DACT1: variants seen among roughly 807,000 people sequenced by gnomAD.
The protein encoded by DACT1 is dishevelled binding antagonist of beta catenin 1.
DACT1 carries 19 observed loss-of-function variants against 35.3 expected under a neutral mutation model. The ratio of observed to expected loss-of-function variants is 0.54; its 90% CI spans 0.38 to 0.79. The LOEUF is 0.79. Among genes scored for constraint, DACT1 ranks in the 30% least tolerant of loss-of-function variants. The pLI, the probability that DACT1 is intolerant of heterozygous loss-of-function variation, is 0.00. For missense variants in DACT1, 1,143 were observed against 1,057.5 expected (o/e 1.08, Z -1.12); for synonymous variants, 545 against 466.7 (o/e 1.17, Z -2.16).
Position 58,638,308 on chromosome 14 carries a change from G to A in DACT1, c.106G>A (p.Glu36Lys). ...EPEGRWREKGEADTERQRTRE... is the reference protein window; with the variant it reads ...EPEGRWREKGKADTERQRTRE... Reference sequence around the variant, plus strand: ...CGAGGGGCGCTGGCGGGAGAAGGGCGAGGCAGACACCGAGCGGCAGCGCAC... The same window carrying A: ...CGAGGGGCGCTGGCGGGAGAAGGGCAAGGCAGACACCGAGCGGCAGCGCAC... The change falls in exon 1 of 4, where the codon GAG becomes AAG. Residue 36 changes from glutamate to lysine, a missense_variant. By Grantham distance (56) the Glu-to-Lys change is moderately conservative. Transcript: ENST00000395153. 7.5e-7 allele frequency: 1 copy of A among 1,338,998 alleles called. No individual in the cohort carries two copies. Among genetic ancestry groups the A allele is most frequent in the Non-Finnish European group, 9.5e-7 (1 of 1,049,628 alleles). 82.9% of individuals were successfully genotyped at this position (1,338,998 alleles called of 1,614,324 possible).
chr14:58,643,766 G>T (rs567510367), intron 3 of DACT1, among the ~76,000 whole-genome samples: 1 of 152,204 alleles, frequency 6.6e-6, no homozygotes, highest in African/African-American at 2.4e-5. Flanking sequence ...GATGAATAGT[G>T]AAGTGTTTGT....
chr14:58,638,465 A>G lies in DACT1; in HGVS notation c.263A>G (p.Glu88Gly). 1 of 1,357,248 alleles carries G rather than the reference A, an allele frequency of 7.4e-7. No homozygotes were observed. Among genetic ancestry groups the G allele is most frequent in the Non-Finnish European group, 9.5e-7 (1 of 1,049,990 alleles). 84.1% of individuals were successfully genotyped at this position (1,357,248 alleles called of 1,614,324 possible). Residue 88 changes from glutamate to glycine, a missense_variant, in exon 1 of 4, where the codon GAG (glutamate) becomes GGG (glycine). Glu to Gly is a moderately conservative substitution (Grantham distance 98, BLOSUM62 -2). This residue lies in a region of DACT1 where 1,054 missense variants were observed against 958.8 expected (regional missense o/e 1.10). Coordinates refer to ENST00000395153, the MANE Select transcript of DACT1 (RefSeq NM_001079520.2). ...GGAGCCGCTGCGCCCCGCGCTGGGGAGCTACTGGGGGAGGCGGCGCAGCGC... is the reference window on the plus strand; with the variant it reads ...GGAGCCGCTGCGCCCCGCGCTGGGGGGCTACTGGGGGAGGCGGCGCAGCGC... ...GAGAAAPRAG[E>G]LLGEAAQRSR...
At position 58,647,227 on chromosome 14, in the gene DACT1, C is replaced by A; in HGVS notation, c.*93C>A. The A allele has an allele frequency of 7.1e-7, 1 of 1,408,818 alleles. No homozygotes were observed. The highest frequency in any genetic ancestry group is 1.5e-5 in the African/African-American group (1 of 68,696). 87.3% of individuals were successfully genotyped at this position (1,408,818 alleles called of 1,614,324 possible). A position where few individuals can be genotyped will look rare whatever the true frequency, so the allele number is the denominator to read the frequency against. On this transcript the variant is annotated 3_prime_UTR_variant, in exon 4 of 4. Transcript: ENST00000395153. Reference sequence around the variant, plus strand: ...GTGGTGTTTTCATTTTTGTATAATACTTTAATGGAATGCTTTTTAAAAAAA... The same window carrying A: ...GTGGTGTTTTCATTTTTGTATAATAATTTAATGGAATGCTTTTTAAAAAAA...
At position 58,645,528 on chromosome 14, in the gene DACT1, C is replaced by T. The variant is rs2047665421; in HGVS notation, c.794C>T (p.Ala265Val). The T allele has an allele frequency of 6.2e-7, 1 of 1,614,168 alleles. No homozygotes were observed. Among genetic ancestry groups the T allele is most frequent in the Non-Finnish European group, 8.5e-7 (1 of 1,180,020 alleles). Residue 265 changes from alanine to valine, a missense_variant, in exon 4 of 4, where the codon GCC becomes GTC. Around this residue, in one of 3 missense-constraint regions of DACT1, gnomAD observed 1,054 missense variants for 958.8 expected, o/e 1.10. Coordinates refer to ENST00000395153, the MANE Select transcript of DACT1 (RefSeq NM_001079520.2). ...LREEDRLGNH[A>V]SDICGGSELD... is the part of the protein sequence containing the mutation. The stretch of plus-strand genomic sequence containing the variant: ...GAAGAGGACAGGCTTGGAAACCATG[C>T]CAGTGACATTTGCGGTGGATCTGAG...
chr14:58,646,312 G>A lies in DACT1; in HGVS notation c.1578G>A (p.Gln526=). ...TCAAGGCCCAGTTTATCCCGGGGCA[G>A]CAGCCCAGTGTCAGGCTCCACCGGG... ...HLVKAQFIPG[Q]QPSVRLHRGH... is the part of the protein sequence containing the mutation. Residue 526 remains glutamine, a synonymous_variant, in exon 4 of 4, where the codon CAG becomes CAA. Transcript: ENST00000395153. The A allele has an allele frequency of 6.2e-7, 1 of 1,610,164 alleles. No individual in the cohort carries two copies. The highest frequency in any genetic ancestry group is 8.5e-7 in the Non-Finnish European group (1 of 1,179,020).
In DACT1 at chr14:58,647,514, C is replaced by G. The variant is rs1445175826; in HGVS notation, c.*380C>G. On this transcript the variant is annotated 3_prime_UTR_variant, in exon 4 of 4. Transcript: ENST00000395153. ...TGGAATTTTTGGATTTATATTTGTT[C>G]CTTGAGTCTTCAGGGCAGTGTCTCC... The G allele has an allele frequency of 3.7e-6, 1 of 272,262 alleles. No individual in the cohort carries two copies. Among genetic ancestry groups the G allele is most frequent in the Non-Finnish European group, 7.3e-6 (1 of 136,662 alleles). 16.9% of individuals were successfully genotyped at this position (272,262 alleles called of 1,614,324 possible).
intron 3 of DACT1, among the ~76,000 whole-genome samples, chr14:58,644,063 T>G (rs143601297): frequency 3.3e-5 from 5 of 152,348 alleles, no homozygotes; most frequent in Non-Finnish European, 7.3e-5. Flanking sequence ...ATAAATACAA[T>G]GGAGGACAAA....
In DACT1 at chr14:58,638,502, G is replaced by A. The variant is rs764715977; in HGVS notation, c.300G>A (p.Glu100=). 11 of 1,359,036 alleles carry A rather than the reference G, an allele frequency of 8.1e-6. No homozygotes were observed. The highest frequency in any genetic ancestry group is 3.0e-5 in the Admixed American group (1 of 32,950). 84.2% of individuals were successfully genotyped at this position (1,359,036 alleles called of 1,614,324 possible). A position where few individuals can be genotyped will look rare whatever the true frequency, so the allele number is the denominator to read the frequency against. The change falls in exon 1 of 4, where the codon GAG becomes GAA. Residue 100 remains glutamate, a synonymous_variant. Transcript: ENST00000395153. The stretch of plus-strand genomic sequence containing the variant: ...AGGCGGCGCAGCGCAGTCGCCTGGA[G>A]GAGAAGTTCTTGGAGGAGAACATCT... ...LGEAAQRSRL[E]EKFLEENILL...
rs1229565624 is a variant in DACT1 at position 58,646,781 on chromosome 14, G to A, written c.2047G>A (p.Val683Met). Residue 683 changes from valine to methionine, a missense_variant, in exon 4 of 4, where the codon GTG becomes ATG. By Grantham distance (21) the Val-to-Met change is conservative. Around this residue, in one of 3 missense-constraint regions of DACT1, gnomAD observed 1,054 missense variants for 958.8 expected, o/e 1.10. Transcript: ENST00000395153. The part of the protein sequence containing the change: ...PLPYASPYAY[V>M]ASDSEYSAEC... ...GCCCTACGCCAGCCCCTACGCCTAC[G>A]TGGCTAGCGACTCCGAGTACTCGGC... The A allele has an allele frequency of 1.9e-6, 3 of 1,614,046 alleles. No homozygotes were observed. Among genetic ancestry groups the A allele is most frequent in the Admixed American group, 1.7e-5 (1 of 60,010 alleles).
chr14:58,646,653 G>A lies in DACT1; in HGVS notation c.1919G>A (p.Arg640Gln), dbSNP rs746238004. ...CCTAAGCACAAGCGAACTGACTACC[G>A]GCGGTGGAAGTCCTCGGCCGAGATT... ...AKPKHKRTDY[R>Q]RWKSSAEISY... The change falls in exon 4 of 4, where the codon CGG (arginine) becomes CAG (glutamine). Residue 640 changes from arginine to glutamine, a missense_variant. Physicochemically the swap from Arg to Gln is conservative, Grantham distance 43. Transcript: ENST00000395153. 19 of 1,611,484 alleles carry A rather than the reference G, an allele frequency of 1.2e-5. No homozygotes were observed. The South Asian group carries it at 1.4e-4, about 12-fold the overall frequency.
rs2047670858 is a variant in DACT1 at position 58,645,833 on chromosome 14, G to C, written c.1099G>C (p.Gly367Arg). Residue 367 changes from glycine to arginine, a missense_variant, in exon 4 of 4, where the codon GGG becomes CGG. Coordinates refer to ENST00000395153, the MANE Select transcript of DACT1 (RefSeq NM_001079520.2). ...NSKQACLPSGGIPSLNNGTFS... is the reference protein window; with the variant it reads ...NSKQACLPSGRIPSLNNGTFS... ...GAAACAGGCGTGTCTGCCCTCTGGC[G>C]GGATACCTTCTCTGAACAATGGGAC... 6.2e-7 allele frequency: 1 copy of C among 1,614,126 alleles called. No individual in the cohort carries two copies. The highest frequency in any genetic ancestry group is 8.5e-7 in the Non-Finnish European group (1 of 1,180,044).
chr14:58,640,663 A>G (rs2140213468), intron 1 of DACT1, 73 bp from the exon 2 acceptor site: 1 of 1,570,124 alleles, frequency 6.4e-7, no homozygotes, highest in Non-Finnish European at 8.7e-7. Context: ...GGTAATTTGA[A>G]TCCTTAGAGT....
At chr14:58,640,927 G>A in intron 2 of DACT1, 59 bp downstream of exon 2, 4 of 1,594,620 alleles carry the variant, frequency 2.5e-6, no homozygotes, top group Non-Finnish European at 3.4e-6. Context: ...TCAGCCCCTT[G>A]TGGTTAACAT....
intron 3 of DACT1, 134 bp from the exon 4 acceptor site, chr14:58,645,235 G>T (rs2047661420): frequency 6.3e-7 from 1 of 1,591,552 alleles, no homozygotes; most frequent in African/African-American, 1.3e-5. Flanking sequence ...TTTCTTCAGA[G>T]TGTACCTTTA....
At position 58,647,285 on chromosome 14, in the gene DACT1, C is replaced by A; in HGVS notation, c.*151C>A. On this transcript the variant is annotated 3_prime_UTR_variant, in exon 4 of 4. Coordinates refer to ENST00000395153, the MANE Select transcript of DACT1 (RefSeq NM_001079520.2). ...CCAAGGTAAATTATTGTTTCATCTT[C>A]ACGTATGGATGCTAGTGCCTTTAAT... 1 of 897,418 alleles carries A rather than the reference C, an allele frequency of 1.1e-6. No homozygotes were observed. The highest frequency in any genetic ancestry group is 1.7e-6 in the Non-Finnish European group (1 of 593,888). 55.6% of individuals were successfully genotyped at this position (897,418 alleles called of 1,614,324 possible). A position where few individuals can be genotyped will look rare whatever the true frequency, so the allele number is the denominator to read the frequency against.
Position 58,638,055 on chromosome 14 carries a change from A to C in DACT1, c.-148A>C. 1.2e-6 allele frequency: 1 copy of C among 814,084 alleles called. No individual in the cohort carries two copies. Among genetic ancestry groups the C allele is most frequent in the Non-Finnish European group, 1.6e-6 (1 of 621,646 alleles). 50.4% of individuals were successfully genotyped at this position (814,084 alleles called of 1,614,324 possible). A position where few individuals can be genotyped will look rare whatever the true frequency, so the allele number is the denominator to read the frequency against. On this transcript the variant is annotated 5_prime_UTR_variant, in exon 1 of 4. Coordinates refer to ENST00000395153, the MANE Select transcript of DACT1 (RefSeq NM_001079520.2). ...GCAGCAGCCGGCGGTCGCGCGCAGG[A>C]CTCGAGGGCTTCTAGCCACCGTCCC...
Position 58,646,308 on chromosome 14 carries a change from G to A in DACT1, c.1574G>A (p.Gly525Glu). ...AHLVKAQFIP[G>E]QQPSVRLHRG... is the part of the protein sequence containing the mutation. ...CTGGTCAAGGCCCAGTTTATCCCGG[G>A]GCAGCAGCCCAGTGTCAGGCTCCAC... The change falls in exon 4 of 4, where the codon GGG becomes GAG. Residue 525 changes from glycine (G) to glutamate (E), a missense_variant. Gly to Glu is a moderately conservative substitution (Grantham distance 98). Transcript: ENST00000395153. 1 of 1,610,616 alleles carries A rather than the reference G, an allele frequency of 6.2e-7. No homozygotes were observed. The highest frequency in any genetic ancestry group is 8.5e-7 in the Non-Finnish European group (1 of 1,179,138).
intron 1 of DACT1, among the ~76,000 whole-genome samples, chr14:58,639,882 G>C (rs540197646): frequency 5.9e-5 from 9 of 152,250 alleles, no homozygotes; most frequent in African/African-American, 2.2e-4. Context: ...TTATTGTTTT[G>C]TGCAATTGCA....
intron 3 of DACT1, 177 bp from the exon 4 acceptor site, chr14:58,645,192 G>T (rs1555329755): frequency 2.4e-6 from 3 of 1,252,338 alleles, no homozygotes; most frequent in Non-Finnish European, 3.4e-6. Flanking sequence ...CATAAAAATT[G>T]GCCAAAGAGT....
Sources: gnomAD v4.1 joint callset for allele counts (sites outside exome capture counted in the v4.1 genomes callset) on GRCh38, gnomAD v4.1.1 for gene constraint, gnomAD v4.1.1 regional missense constraint, MANE v1.5 for transcripts, NCBI Gene and HGNC (gene_info 2026-07-23, HGNC 2026-07-21) for gene names.